The following P2RX5 variants were observed in gnomAD, a reference collection of about 807,000 sequenced individuals.
The protein encoded by P2RX5 is purinergic receptor P2X 5, also known as P2X purinoceptor 5.
Under a neutral mutation model 54.1 loss-of-function variants are expected in P2RX5, and 46 were observed. The observed-to-expected ratio is 0.85, with a 90% confidence interval of 0.67 to 1.09. The LOEUF (loss-of-function observed/expected upper bound fraction) is 1.09. Among genes scored for constraint, P2RX5 ranks in the 50% least tolerant of loss-of-function variants. The pLI is 0.00. For missense variants in P2RX5, 566 were observed against 549.8 expected (o/e 1.03, Z -0.29); for synonymous variants, 226 against 226.4 (o/e 1.00, Z 0.02).
upstream of P2RX5, among the ~76,000 whole-genome samples, chr17:3,699,874 A>AAAGAAAGGAAGG (rs1567744280): frequency 4.9e-4 from 21 of 42,714 alleles, no homozygotes; most frequent in South Asian, 1.1e-3. Flanking sequence ...AGAAAGAAAG[A>AAAGAAAGGAAGG]AAGGAAGGAA....
intron 9 of P2RX5, chr17:3,685,651 T>TCC (rs779601438): frequency 2.8e-5 from 1 of 35,628 alleles, no homozygotes; most frequent in Non-Finnish European, 1.8e-4. Context: ...CCTCCCAGCG[T>TCC]CCCCCTCCCA....
chr17:3,710,426 CAAATAAAT>C, the P2RX5 span, among the ~76,000 whole-genome samples: 1 of 151,446 alleles, frequency 6.6e-6, no homozygotes, highest in Admixed American at 6.6e-5. Context: ...GACTCTATCT[CAAATAAAT>C]AAATAAATAA....
At chr17:3,723,430 GTCT>G in the P2RX5 span, 1 of 1,400,294 alleles carries the variant, frequency 7.1e-7, no homozygotes, top group Non-Finnish European at 1.0e-6. Context: ...CGTGCGGAAA[GTCT>G]GAAATCTTTT....
Position 3,673,440 on chromosome 17 carries a change from A to G in P2RX5, c.*428T>C. On this transcript the variant is annotated 3_prime_UTR_variant, in exon 12 of 12. Coordinates refer to ENST00000225328, the MANE Select transcript of P2RX5 (RefSeq NM_002561.4). ...CTCTGAGGGAAGCTGCGGCACTTGC[A>G]GAGGGGAGTGGGCTGGAACCAAATG... The G allele has an allele frequency of 5.5e-6, 6 of 1,087,286 alleles. No homozygotes were observed. The highest frequency in any genetic ancestry group is 6.7e-6 in the Non-Finnish European group (6 of 890,188). 67.4% of individuals were successfully genotyped at this position (1,087,286 alleles called of 1,614,324 possible).
At chr17:3,698,128 G>A (rs2050791716), upstream of P2RX5, among the ~76,000 whole-genome samples, 1 of 151,546 alleles carries the variant, frequency 6.6e-6, no homozygotes, top group Non-Finnish European at 1.5e-5. Flanking sequence ...AAGTCATCTT[G>A]GCTCTCCTGC....
chr17:3,688,907 C>G (rs560990953), intron 7 of P2RX5, 148 bp from the exon 8 acceptor site: 3 of 845,116 alleles, frequency 3.5e-6, no homozygotes, highest in Non-Finnish European at 5.9e-6. Flanking sequence ...GAGGCTTAGT[C>G]CCCCCATGGA....
At chr17:3,690,550 C>T in intron 4 of P2RX5, 27 bp from the exon 5 acceptor site, 1 of 1,612,142 alleles carries the variant, frequency 6.2e-7, no homozygotes, top group Non-Finnish European at 8.5e-7. Context: ...GGATCAATGC[C>T]AGGAGCCTCC....
intron 2 of P2RX5, 27 bp from the exon 3 acceptor site, chr17:3,691,054 A>C: frequency 6.4e-7 from 1 of 1,557,578 alleles, no homozygotes; most frequent in African/African-American, 1.4e-5. Context: ...GCACTGAGGA[A>C]CCTCCTCCTG....
At chr17:3,680,105 G>GTCCTCCACCCTGCA in intron 10 of P2RX5, among the ~76,000 whole-genome samples, 1 of 119,322 alleles carries the variant, frequency 8.4e-6, no homozygotes, top group Non-Finnish European at 1.7e-5. Flanking sequence ...TCCACCCAGC[G>GTCCTCCACCCTGCA]TCCTCCACCC....
rs1173750840 is a variant in P2RX5, at chr17:3,688,698, C to A, written c.815G>T (p.Cys272Phe). Residue 272 changes from cysteine to phenylalanine, a missense_variant, in exon 8 of 12, where the codon TGC (cysteine) becomes TTC (phenylalanine). Coordinates refer to ENST00000225328, the MANE Select transcript of P2RX5 (RefSeq NM_002561.4). The part of the protein sequence containing the change: ...NCDLDKAASE[C>F]HPHYSFSRLD... Reference sequence around the variant, plus strand: ...ACGGCTAAAAGAATAGTGAGGGTGGCACTCAGAGGCAGCTTTATCAAGATC... The same window carrying A: ...ACGGCTAAAAGAATAGTGAGGGTGGAACTCAGAGGCAGCTTTATCAAGATC... 3 of 1,613,334 alleles carry A rather than the reference C, an allele frequency of 1.9e-6. No homozygotes were observed. The highest frequency in any genetic ancestry group is 2.5e-6 in the Non-Finnish European group (3 of 1,179,296).
chr17:3,704,406 G>A, the P2RX5 span, among the ~76,000 whole-genome samples: 1 of 152,188 alleles, frequency 6.6e-6, no homozygotes, highest in South Asian at 2.1e-4. Context: ...AGCCTCCCAA[G>A]GCAACTCGCC....
chr17:3,684,357 A>G (rs1418187079), intron 9 of P2RX5, among the ~76,000 whole-genome samples: 1 of 152,280 alleles, frequency 6.6e-6, no homozygotes, highest in Non-Finnish European at 1.5e-5. Context: ...TAATCCCAGC[A>G]CTTGGGGAGG....
At chr17:3,676,776 G>T (rs2050114413) in intron 11 of P2RX5, 2 of 223,766 alleles carry the variant, frequency 8.9e-6, no homozygotes, top group South Asian at 1.6e-4. Context: ...AAATAGCAAG[G>T]CTTGGCCGGG....
At chr17:3,678,044 T>G (rs2050144369) in intron 11 of P2RX5, 1 of 985,346 alleles carries the variant, frequency 1.0e-6, no homozygotes. Context: ...CCCAAAGTTT[T>G]CAGCGACACT....
upstream of P2RX5, among the ~76,000 whole-genome samples, chr17:3,700,091 T>C (rs564824971): frequency 6.6e-6 from 1 of 152,324 alleles, no homozygotes; most frequent in South Asian, 2.1e-4. Context: ...CCAAATAATG[T>C]GGAAAACACT....
intron 1 of P2RX5, among the ~76,000 whole-genome samples, chr17:3,693,514 T>C (rs1386741702): frequency 6.6e-6 from 1 of 152,116 alleles, no homozygotes; most frequent in Non-Finnish European, 1.5e-5. Flanking sequence ...GGCAGGTGGA[T>C]CACCTGAGGT....
the P2RX5 span, chr17:3,723,264 C>G: frequency 6.7e-7 from 1 of 1,486,618 alleles, no homozygotes; most frequent in Non-Finnish European, 9.4e-7. Context: ...ATAATCAAAT[C>G]TGGAGCATTT....
At chr17:3,719,854 A>G in the P2RX5 span, among the ~76,000 whole-genome samples, 20,755 of 151,988 alleles carry the variant, frequency 0.14, 4,733 homozygotes, top group African/African-American at 0.47. Flanking sequence ...CAGCCTCCCA[A>G]GTAGGTGGGA....
At chr17:3,720,558 G>A in the P2RX5 span, 5 of 477,476 alleles carry the variant, frequency 1.0e-5, no homozygotes, top group Non-Finnish European at 1.9e-5. Flanking sequence ...ACCCAAACAA[G>A]ACATCTGCAG....
Sources: gnomAD v4.1 joint callset for allele counts (sites outside exome capture counted in the v4.1 genomes callset) on GRCh38, gnomAD v4.1.1 for gene constraint, MANE v1.5 for transcripts, NCBI Gene and HGNC (gene_info 2026-07-23, HGNC 2026-07-21) for gene names.